The following KAZN variants were observed in gnomAD, a reference collection of about 807,000 sequenced individuals.
KAZN encodes the protein kazrin, periplakin interacting protein, also known as kazrin.
Under a neutral mutation model 87.4 loss-of-function variants are expected in KAZN, and 40 were observed. The ratio of observed to expected loss-of-function variants is 0.46; its 90% CI spans 0.36 to 0.60. The LOEUF (loss-of-function observed/expected upper bound fraction) is 0.60. Ranked by LOEUF, KAZN falls within the 20% of genes least tolerant of loss-of-function variation. KAZN has a pLI of 0.00. For missense variants in KAZN, 898 were observed against 1,073.9 expected (o/e 0.84, Z 2.29); for synonymous variants, 466 against 458.3 (o/e 1.02, Z -0.22).
intron 2 of KAZN, among the ~76,000 whole-genome samples, chr1:15,026,100 G>A (rs1201666736): frequency 6.6e-6 from 1 of 152,164 alleles, no homozygotes; most frequent in Non-Finnish European, 1.5e-5. Context: ...CCCTCGACTG[G>A]CCCTTTCCTT....
chr1:14,327,612 G>T (rs1656531261), intron 2 of KAZN, among the ~76,000 whole-genome samples: 1 of 152,134 alleles, frequency 6.6e-6, no homozygotes, highest in Non-Finnish European at 1.5e-5. Flanking sequence ...ATTCTCCAAA[G>T]CCCCTTGAAC....
rs554470669 is a variant in KAZN at position 14,671,493 on chromosome 1, A to G, written c.226+72270A>G. Among the ~76,000 whole-genome samples the G allele has an allele frequency of 1.2e-4, 18 of 152,296 alleles. No individual in the cohort carries two copies. In the South Asian group the frequency reaches 3.5e-3, roughly 30 times the overall value. ...CACTCCCCCATTCACAAAACATATTAAAGACCTGCTTTGCACCAGCTCCCT... is the reference window on the plus strand; with the variant it reads ...CACTCCCCCATTCACAAAACATATTGAAGACCTGCTTTGCACCAGCTCCCT... On this transcript the variant is annotated intron_variant, in intron 1 of 14. Transcript: ENST00000376030.
intron 1 of KAZN, among the ~76,000 whole-genome samples, chr1:13,983,934 C>G (rs562040471): frequency 1.3e-5 from 2 of 152,200 alleles, no homozygotes; most frequent in East Asian, 1.9e-4. Context: ...TCAACTTAAG[C>G]TTGGTTCAGC....
chr1:14,700,191 G>A lies in KAZN; in HGVS notation c.226+100968G>A, dbSNP rs528859477. 2.0e-5 allele frequency among the ~76,000 whole-genome samples: 3 copies of A among 152,296 alleles called. No homozygotes were observed. In the East Asian group the frequency reaches 5.8e-4, roughly 29 times the overall value. On this transcript the variant is annotated intron_variant, in intron 1 of 14. Transcript: ENST00000376030. ...CCTGTGTACTAGGATGGCACTGCCA[G>A]CAATATCATGGGAAGGAGGAGGACT...
chr1:13,943,545 GA>G (rs1188243117), intron 1 of KAZN, among the ~76,000 whole-genome samples: 3 of 151,292 alleles, frequency 2.0e-5, no homozygotes, highest in African/African-American at 4.9e-5. Context: ...TTCAGAAAAA[GA>G]AAAAAAATCT....
intron 1 of KAZN, among the ~76,000 whole-genome samples, chr1:13,905,348 G>A (rs150176071): frequency 3.3e-5 from 5 of 152,236 alleles, no homozygotes; most frequent in South Asian, 2.1e-4. Flanking sequence ...TGTTATTACC[G>A]TAGGTAATGT....
chr1:14,490,687 G>T (rs1302706578), intron 2 of KAZN, among the ~76,000 whole-genome samples: 3 of 151,832 alleles, frequency 2.0e-5, no homozygotes, highest in East Asian at 3.9e-4. Context: ...GAGACGGGGT[G>T]GTTGTTTTTT....
intron 1 of KAZN, among the ~76,000 whole-genome samples, chr1:14,823,888 C>T (rs546808776): frequency 3.9e-5 from 6 of 152,046 alleles, no homozygotes; most frequent in African/African-American, 9.7e-5. Flanking sequence ...CCAAGGCAGA[C>T]GGATCACCTG....
chr1:14,709,701 C>T (rs908952807), intron 1 of KAZN, among the ~76,000 whole-genome samples: 2 of 152,124 alleles, frequency 1.3e-5, no homozygotes, highest in Non-Finnish European at 2.9e-5. Flanking sequence ...GAAGAGTGGG[C>T]GTAGTTGAGG....
intron 13 of KAZN, among the ~76,000 whole-genome samples, chr1:15,111,650 A>G (rs184784700): frequency 1.3e-5 from 2 of 152,240 alleles, no homozygotes; most frequent in African/African-American, 2.4e-5. Context: ...TCTTGCCCCA[A>G]ATCTGTTTAT....
chr1:14,858,493 G>A (rs1282580638), intron 1 of KAZN, among the ~76,000 whole-genome samples: 7 of 152,166 alleles, frequency 4.6e-5, no homozygotes, highest in Admixed American at 1.3e-4. Context: ...GATTACAGGC[G>A]TGAGCCACCG....
chr1:15,048,075 T>A (rs1041287715), intron 4 of KAZN, among the ~76,000 whole-genome samples: 2 of 152,192 alleles, frequency 1.3e-5, no homozygotes, highest in African/African-American at 4.8e-5. Flanking sequence ...AAGCAGGTAT[T>A]GGGGAAAGAG....
chr1:14,750,841 C>T (rs1644395080), intron 1 of KAZN, among the ~76,000 whole-genome samples: 2 of 152,154 alleles, frequency 1.3e-5, no homozygotes, highest in Non-Finnish European at 2.9e-5. Flanking sequence ...GGAGGGTTCT[C>T]CCATCATGAG....
intron 2 of KAZN, among the ~76,000 whole-genome samples, chr1:14,337,944 T>G (rs930284279): frequency 6.6e-6 from 1 of 150,846 alleles, no homozygotes; most frequent in Admixed American, 6.6e-5. Context: ...TTGATCTTAA[T>G]ACCATCTGCT....
chr1:14,070,405 T>G (rs1424031582), intron 1 of KAZN, among the ~76,000 whole-genome samples: 1 of 152,092 alleles, frequency 6.6e-6, no homozygotes, highest in Non-Finnish European at 1.5e-5. Flanking sequence ...TACACCCTAA[T>G]CAGAAAGATA....
chr1:15,016,430 C>T (rs545964032), intron 2 of KAZN, among the ~76,000 whole-genome samples: 48 of 152,242 alleles, frequency 3.2e-4, no homozygotes, highest in Non-Finnish European at 6.6e-4. Context: ...GGATTACAGG[C>T]GCATGCCACC....
rs1662262531 is a variant in KAZN at position 14,949,779 on chromosome 1, C to CT, written c.227-10904dup. Among the ~76,000 whole-genome samples the CT allele has an allele frequency of 6.6e-6, 1 of 152,128 alleles. No homozygotes were observed. Reference sequence around the variant, plus strand: ...CCCTTCCAGGACAGCGACATGGTTGCTGCCCAGCCTGTGTTTGGTGAGGGG... The same window carrying CT: ...CCCTTCCAGGACAGCGACATGGTTGCTTGCCCAGCCTGTGTTTGGTGAGGGG... On this transcript the variant is annotated intron_variant, in intron 1 of 14. Transcript: ENST00000376030. The surrounding 1 kb of genome is among the most constrained non-coding windows in gnomAD (Gnocchi z 4.3).
intron 1 of KAZN, chr1:14,924,580 C>A (rs1414548019): frequency 2.0e-6 from 2 of 1,008,144 alleles, no homozygotes; most frequent in Admixed American, 6.0e-5. Context: ...CCGGTAGGTG[C>A]GCGCGGGGCG....
At chr1:14,171,315 A>G (rs1222936582) in intron 1 of KAZN, among the ~76,000 whole-genome samples, 2 of 152,082 alleles carry the variant, frequency 1.3e-5, no homozygotes, top group Non-Finnish European at 2.9e-5. Flanking sequence ...CTAAGAGTAA[A>G]TTCCTGGCTC....
Sources: allele counts gnomAD v4.1 joint callset (sites outside exome capture counted in the v4.1 genomes callset), GRCh38; gene constraint gnomAD v4.1.1; non-coding constraint Gnocchi (gnomAD v3.1); transcripts MANE v1.5; gene names NCBI Gene and HGNC (gene_info 2026-07-23, HGNC 2026-07-21).